Variants in ATP6V0C observed in about 807,000 individuals in gnomAD.
ATP6V0C encodes V-type proton ATPase 16 kDa proteolipid subunit c.
Under a neutral mutation model 10.6 loss-of-function variants are expected in ATP6V0C, and 2 were observed. That is an observed-to-expected ratio of 0.19 (90% CI 0.08 to 0.59). The LOEUF (loss-of-function observed/expected upper bound fraction) is 0.59, where lower values mean the gene tolerates loss of function less well. Among genes scored for constraint, ATP6V0C ranks in the 20% least tolerant of loss-of-function variants. The pLI, the probability that ATP6V0C is intolerant of heterozygous loss-of-function variation, is 0.90. For missense variants in ATP6V0C, 89 were observed against 225.9 expected (o/e 0.39, Z 3.88); for synonymous variants, 128 against 101.3 (o/e 1.26, Z -1.59).
chr16:2,514,217 GGC>G, intron 1 of ATP6V0C, 35 bp downstream of exon 1: 1 of 1,521,128 alleles, frequency 6.6e-7, no homozygotes, highest in Admixed American at 2.0e-5. Flanking sequence ...CGGGGGCGGG[GGC>G]GCGCGCGTTG....
chr16:2,518,525 C>G (rs1364968000), intron 1 of ATP6V0C, among the ~76,000 whole-genome samples: 1 of 152,250 alleles, frequency 6.6e-6, no homozygotes, highest in Non-Finnish European at 1.5e-5. Context: ...CCCCCATCCT[C>G]TTCTTGGCTC....
chr16:2,515,464 C>G (rs994474217), intron 1 of ATP6V0C, among the ~76,000 whole-genome samples: 2 of 152,096 alleles, frequency 1.3e-5, no homozygotes, highest in African/African-American at 4.8e-5. Flanking sequence ...GCTCTCTGTT[C>G]TCTTGCGGGC....
At chr16:2,518,170 G>GT (rs2065886425) in intron 1 of ATP6V0C, among the ~76,000 whole-genome samples, 1 of 152,252 alleles carries the variant, frequency 6.6e-6, no homozygotes, top group Admixed American at 6.5e-5. Flanking sequence ...AAGCAGCTCA[G>GT]TAGGCCCCTG....
In ATP6V0C at chr16:2,514,165, C is replaced by T; in HGVS notation, c.62C>T (p.Ala21Val). ...ASFFAVMGAS[A>V]AMVFSALGAA... ...TTTTTCGCCGTCATGGGCGCCTCGG[C>T]CGCCATGGTCTTCAGCGGTGAGCGC... is the stretch of plus-strand genomic sequence containing the variant. The change falls in exon 1 of 3, where the codon GCC becomes GTC. Residue 21 changes from alanine to valine, a missense_variant. By Grantham distance (64) the Ala-to-Val change is moderately conservative (BLOSUM62 0). Transcript: ENST00000330398. 1 of 1,581,316 alleles carries T rather than the reference C, an allele frequency of 6.3e-7. No homozygotes were observed. Among genetic ancestry groups the T allele is most frequent in the African/African-American group, 1.4e-5 (1 of 72,634 alleles).
chr16:2,514,692 C>T (rs948009638), intron 1 of ATP6V0C, among the ~76,000 whole-genome samples: 1 of 152,056 alleles, frequency 6.6e-6, no homozygotes. Context: ...CAGCCCTCGC[C>T]CTTATGGCGG....
intron 1 of ATP6V0C, chr16:2,517,017 C>G (rs370418390): frequency 6.6e-6 from 1 of 152,526 alleles, no homozygotes; most frequent in Non-Finnish European, 1.5e-5. Flanking sequence ...CACTTCCTGC[C>G]TCTGGTGGAC....
At chr16:2,514,740 G>T (rs1047710472) in intron 1 of ATP6V0C, among the ~76,000 whole-genome samples, 2 of 152,248 alleles carry the variant, frequency 1.3e-5, no homozygotes, top group Admixed American at 6.5e-5. Context: ...CCCACAGGCA[G>T]GTACTTCCGG....
At chr16:2,518,507 C>T (rs1037766957) in intron 1 of ATP6V0C, among the ~76,000 whole-genome samples, 4 of 152,238 alleles carry the variant, frequency 2.6e-5, no homozygotes, top group Non-Finnish European at 4.4e-5. Flanking sequence ...TCCCCGTCGT[C>T]TTCTCTGCCC....
intron 1 of ATP6V0C, among the ~76,000 whole-genome samples, chr16:2,515,018 C>A (rs904145999): frequency 3.3e-5 from 5 of 152,086 alleles, no homozygotes; most frequent in Non-Finnish European, 1.5e-5. Flanking sequence ...AGTTGTGGTC[C>A]TAATGAATGG....
At chr16:2,519,475 G>T in intron 2 of ATP6V0C, 66 bp from the exon 3 acceptor site, 1 of 1,552,028 alleles carries the variant, frequency 6.4e-7, no homozygotes, top group South Asian at 1.2e-5. Flanking sequence ...TGTGGGTGGT[G>T]ACCCGGACCC....
At chr16:2,516,279 A>G (rs1567421733) in intron 1 of ATP6V0C, among the ~76,000 whole-genome samples, 1 of 145,998 alleles carries the variant, frequency 6.8e-6, no homozygotes, top group Non-Finnish European at 1.5e-5. Flanking sequence ...TGCCCAGCTA[A>G]TTTTTTTTTT....
chr16:2,514,831 G>A (rs1022579573), intron 1 of ATP6V0C, among the ~76,000 whole-genome samples: 1 of 152,184 alleles, frequency 6.6e-6, no homozygotes, highest in Non-Finnish European at 1.5e-5. Flanking sequence ...TTGGTTCGGA[G>A]AGCCCGCGGA....
At chr16:2,515,816 CCCCG>C (rs1395496851) in intron 1 of ATP6V0C, among the ~76,000 whole-genome samples, 2 of 152,306 alleles carry the variant, frequency 1.3e-5, no homozygotes, top group East Asian at 3.9e-4. Flanking sequence ...AAAATGGGAT[CCCCG>C]CCCATGTGGA....
chr16:2,514,011 G>A lies in ATP6V0C; in HGVS notation c.-93G>A, dbSNP rs571902155. On this transcript the variant is annotated 5_prime_UTR_variant, in exon 1 of 3. Transcript: ENST00000330398. ...GACGGGCCGGATCGCCTTCGCCGCC[G>A]CCCGCCCGCAAACCTTCGTGCCCGG... is the stretch of plus-strand genomic sequence containing the variant. 1.0e-4 allele frequency: 122 copies of A among 1,211,900 alleles called. 1 individual carries two copies. The highest frequency in any genetic ancestry group is 4.9e-4 in the Admixed American group (19 of 38,842). 75.1% of individuals were successfully genotyped at this position (1,211,900 alleles called of 1,614,324 possible).
At chr16:2,519,067 C>T (rs1273831037) in intron 1 of ATP6V0C, 151 bp from the exon 2 acceptor site, 5 of 908,852 alleles carry the variant, frequency 5.5e-6, no homozygotes, top group Non-Finnish European at 7.9e-6. Context: ...CTCCTGGGTC[C>T]TCTTGCCCTG....
Position 2,513,952 on chromosome 16 carries a change from G to A in ATP6V0C, c.-152G>A. The A allele has an allele frequency of 1.6e-6, 1 of 640,662 alleles. No individual in the cohort carries two copies. Among genetic ancestry groups the A allele is most frequent in the Non-Finnish European group, 2.6e-6 (1 of 389,598 alleles). 39.7% of individuals were successfully genotyped at this position (640,662 alleles called of 1,614,324 possible). ...GTGACGCGGCCGCGGCCGCCATTTT[G>A]TTCTGCGGTGCTGGTATTTAGAGCG... On this transcript the variant is annotated 5_prime_UTR_variant, in exon 1 of 3. Coordinates refer to ENST00000330398, the MANE Select transcript of ATP6V0C (RefSeq NM_001694.4).
At chr16:2,514,254 C>T (rs1210612422) in intron 1 of ATP6V0C, 72 bp downstream of exon 1, 2 of 1,445,536 alleles carry the variant, frequency 1.4e-6, no homozygotes, top group Non-Finnish European at 1.9e-6. Context: ...TCGCCGGGGT[C>T]CGGTGTGTGA....
Position 2,513,966 on chromosome 16 carries a change from G to A in ATP6V0C, c.-138G>A, listed in dbSNP as rs2065863017. The A allele has an allele frequency of 5.5e-6, 4 of 731,234 alleles. No individual in the cohort carries two copies. In the East Asian group the frequency reaches 9.3e-5, roughly 17 times the overall value. 45.3% of individuals were successfully genotyped at this position (731,234 alleles called of 1,614,324 possible). A position where few individuals can be genotyped will look rare whatever the true frequency, so the allele number is the denominator to read the frequency against. On this transcript the variant is annotated 5_prime_UTR_variant, in exon 1 of 3. Coordinates refer to ENST00000330398, the MANE Select transcript of ATP6V0C (RefSeq NM_001694.4). Reference sequence around the variant, plus strand: ...GCCGCCATTTTGTTCTGCGGTGCTGGTATTTAGAGCGCAGCGGCTGACGGG... The same window carrying A: ...GCCGCCATTTTGTTCTGCGGTGCTGATATTTAGAGCGCAGCGGCTGACGGG...
rs1382928364 is a variant in ATP6V0C, at chr16:2,519,173, C to T, written c.80-45C>T. 5.2e-6 allele frequency: 8 copies of T among 1,551,022 alleles called. No homozygotes were observed. The African/African-American group carries it at 8.2e-5, about 16-fold the overall frequency. On this transcript the variant is annotated intron_variant, in intron 1 of 2. Coordinates refer to ENST00000330398, the MANE Select transcript of ATP6V0C (RefSeq NM_001694.4). ...CTACACCTCGGGGTCCTAGTCTCAACTGGCCTGCGTACTGCTGTGGGCTCA... is the reference window on the plus strand; with the variant it reads ...CTACACCTCGGGGTCCTAGTCTCAATTGGCCTGCGTACTGCTGTGGGCTCA...
Sources: allele counts gnomAD v4.1 joint callset (sites outside exome capture counted in the v4.1 genomes callset), GRCh38; gene constraint gnomAD v4.1.1; transcripts MANE v1.5; gene names NCBI Gene and HGNC (gene_info 2026-07-23, HGNC 2026-07-21).